Variants in PIEZO2 observed in about 807,000 individuals in gnomAD.
PIEZO2 encodes the protein piezo-type mechanosensitive ion channel component 2.
Under a neutral mutation model 337.3 loss-of-function variants are expected in PIEZO2, and 172 were observed. The ratio of observed to expected loss-of-function variants is 0.51; its 90% CI spans 0.45 to 0.58. PIEZO2 has a LOEUF of 0.58. Among genes scored for constraint, PIEZO2 ranks in the 20% least tolerant of loss-of-function variants. The probability of loss-of-function intolerance (pLI) is 0.00; values close to 1 mark genes in which losing one functional copy is unlikely to be tolerated. For missense variants in PIEZO2, 3,028 were observed against 3,391.3 expected, an observed-to-expected ratio of 0.89 and a Z score of 2.66; for synonymous variants, 1,251 against 1,228.5, an observed-to-expected ratio of 1.02 and a Z score of -0.38.
At chr18:11,086,053 G>T (rs530456906) in intron 1 of PIEZO2, among the ~76,000 whole-genome samples, 45 of 152,176 alleles carry the variant, frequency 3.0e-4, no homozygotes, top group African/African-American at 1.1e-3. Flanking sequence ...GTATGTAATT[G>T]AATTGACATG....
At chr18:10,683,535 T>C (rs2034371968) in intron 49 of PIEZO2, among the ~76,000 whole-genome samples, 1 of 152,246 alleles carries the variant, frequency 6.6e-6, no homozygotes, top group Non-Finnish European at 1.5e-5. Context: ...CAGCATCAAA[T>C]ATGGATAGCA....
At chr18:10,957,517 C>T (rs990600595) in intron 3 of PIEZO2, among the ~76,000 whole-genome samples, 1 of 151,806 alleles carries the variant, frequency 6.6e-6, no homozygotes, top group Admixed American at 6.6e-5. Context: ...ACAAAAATCG[C>T]TGAAATGAGC....
chr18:11,107,145 A>G (rs1360742392), intron 1 of PIEZO2, among the ~76,000 whole-genome samples: 3 of 152,214 alleles, frequency 2.0e-5, no homozygotes, highest in African/African-American at 7.2e-5. Flanking sequence ...TCTTTTAAAG[A>G]TAGAGCCCAT....
chr18:10,827,435 TC>T (rs144462166), intron 7 of PIEZO2, among the ~76,000 whole-genome samples: 1,696 of 152,328 alleles, frequency 0.011, 26 homozygotes, highest in African/African-American at 0.039. Context: ...TCATACATTT[TC>T]CCCATGTTTA....
chr18:10,785,821 A>G (rs2039202627), intron 16 of PIEZO2, among the ~76,000 whole-genome samples: 1 of 152,108 alleles, frequency 6.6e-6, no homozygotes, highest in South Asian at 2.1e-4. Flanking sequence ...CTACTCCCAC[A>G]CATCGCTTTT....
intron 4 of PIEZO2, among the ~76,000 whole-genome samples, chr18:10,890,878 A>G (rs1055031532): frequency 1.3e-5 from 2 of 152,262 alleles, no homozygotes; most frequent in Non-Finnish European, 2.9e-5. Flanking sequence ...TTAGCATATT[A>G]TAAAATAAAC....
intron 7 of PIEZO2, among the ~76,000 whole-genome samples, chr18:10,840,399 C>T (rs928320403): frequency 6.6e-6 from 1 of 152,040 alleles, no homozygotes; most frequent in Non-Finnish European, 1.5e-5. Context: ...TCACATTAAC[C>T]GTTCCAAATC....
At chr18:10,786,906 AT>A in intron 16 of PIEZO2, 129 bp downstream of exon 16, 1 of 932,194 alleles carries the variant, frequency 1.1e-6, no homozygotes, top group Non-Finnish European at 1.6e-6. Context: ...CTCAGTTTTA[AT>A]TTCTATTATT....
chr18:10,786,638 G>A (rs2039234415), intron 16 of PIEZO2, among the ~76,000 whole-genome samples: 1 of 152,132 alleles, frequency 6.6e-6, no homozygotes, highest in Admixed American at 6.6e-5. Context: ...TTTCTTTTTG[G>A]CGCTAAATAC....
chr18:10,723,878 G>T (rs555351521), intron 36 of PIEZO2, among the ~76,000 whole-genome samples: 9 of 152,332 alleles, frequency 5.9e-5, no homozygotes, highest in African/African-American at 1.9e-4. Flanking sequence ...TCAGAGGAGA[G>T]AGGGTATTCT....
chr18:10,956,969 CAAAAA>C (rs67384142), intron 3 of PIEZO2, among the ~76,000 whole-genome samples: 2 of 50,678 alleles, frequency 3.9e-5, no homozygotes, highest in Non-Finnish European at 4.3e-5. Context: ...AACTCCATCT[CAAAAA>C]AAAAAAAAAA....
At chr18:10,799,909 G>A (rs1217884215) in intron 11 of PIEZO2, among the ~76,000 whole-genome samples, 1 of 150,776 alleles carries the variant, frequency 6.6e-6, no homozygotes, top group Admixed American at 6.6e-5. Context: ...GGAGGCAAAG[G>A]TTGCAGTGAG....
intron 12 of PIEZO2, among the ~76,000 whole-genome samples, chr18:10,796,836 A>G (rs1454986527): frequency 6.6e-6 from 1 of 152,176 alleles, no homozygotes; most frequent in African/African-American, 2.4e-5. Context: ...TATCATACAT[A>G]CCGTCATATC....
At chr18:11,079,307 CT>C (rs1274755427) in intron 1 of PIEZO2, among the ~76,000 whole-genome samples, 3 of 152,182 alleles carry the variant, frequency 2.0e-5, no homozygotes, top group African/African-American at 7.2e-5. Flanking sequence ...TCAAGAGCCC[CT>C]GTGAGTTAAG....
At chr18:10,931,780 C>A (rs1568211816) in intron 3 of PIEZO2, among the ~76,000 whole-genome samples, 1 of 151,660 alleles carries the variant, frequency 6.6e-6, no homozygotes, top group African/African-American at 2.4e-5. Flanking sequence ...GACTTAATTT[C>A]TTGTAATAAA....
intron 9 of PIEZO2, among the ~76,000 whole-genome samples, chr18:10,801,825 G>A (rs1256104170): frequency 1.3e-5 from 2 of 152,088 alleles, no homozygotes; most frequent in Admixed American, 6.5e-5. Flanking sequence ...GGTAGCTCAC[G>A]CCTGTAATCC....
At chr18:10,765,281 C>T (rs1432444322) in intron 21 of PIEZO2, among the ~76,000 whole-genome samples, 1 of 152,174 alleles carries the variant, frequency 6.6e-6, no homozygotes, top group Non-Finnish European at 1.5e-5. Flanking sequence ...GGCTGCCCAT[C>T]CTTGGAGAAG....
intron 3 of PIEZO2, among the ~76,000 whole-genome samples, chr18:10,923,254 A>G (rs1209039076): frequency 6.6e-6 from 1 of 152,216 alleles, no homozygotes; most frequent in African/African-American, 2.4e-5. Context: ...AGACGCTTGC[A>G]TAAGATTTCA....
chr18:10,791,136 G>A, intron 14 of PIEZO2, 65 bp downstream of exon 14: 1 of 1,418,144 alleles, frequency 7.1e-7, no homozygotes. Context: ...GATGTATTTT[G>A]GGGCTCTTTC....
Sources: gnomAD v4.1 joint callset for allele counts (sites outside exome capture counted in the v4.1 genomes callset) on GRCh38, gnomAD v4.1.1 for gene constraint, MANE v1.5 for transcripts, NCBI Gene and HGNC (gene_info 2026-07-23, HGNC 2026-07-21) for gene names.